Variants in SMCO1 observed in about 807,000 individuals in gnomAD.
SMCO1 encodes the protein single-pass membrane and coiled-coil domain-containing protein 1.
Under a neutral mutation model 7.5 loss-of-function variants are expected in SMCO1, and 9 were observed. That is an observed-to-expected ratio of 1.20 (90% CI 0.72 to 2.09). The LOEUF is 2.09. Ranked by LOEUF, SMCO1 falls within the 30% of genes most tolerant of loss-of-function variation. The probability of loss-of-function intolerance (pLI) is 0.00; values close to 1 mark genes in which losing one functional copy is unlikely to be tolerated. For synonymous variants in SMCO1, 90 were observed against 93.8 expected, an observed-to-expected ratio of 0.96 and a Z score of 0.23; for missense variants, 219 against 253.1, an observed-to-expected ratio of 0.87 and a Z score of 0.91.
At chr3:196,515,485 T>C (rs1296795604), upstream of SMCO1, 1 of 430,374 alleles carries the variant, frequency 2.3e-6, no homozygotes, top group Non-Finnish European at 4.2e-6. Flanking sequence ...TACATTAACA[T>C]ACAGCAACAA....
rs972864948 is a variant in SMCO1 at position 196,507,065 on chromosome 3, G to T, written c.*822C>A. Reference sequence around the variant, plus strand: ...ACCATTCAGAAATAGGCACGATAGTGTAGAGGACCAATCGCGGAAGGGTAG... The same window carrying T: ...ACCATTCAGAAATAGGCACGATAGTTTAGAGGACCAATCGCGGAAGGGTAG... On this transcript the variant is annotated 3_prime_UTR_variant, in exon 3 of 3. Transcript: ENST00000397537. 41 of 152,246 alleles carry T rather than the reference G, an allele frequency of 2.7e-4. No individual in the cohort carries two copies. The highest frequency in any genetic ancestry group is 9.2e-4 in the African/African-American group (38 of 41,448). The allele number at this position is 152,246 out of a possible 1,614,324, so 9.4% of individuals were successfully genotyped here.
chr3:196,516,021 A>ATATATATATAAT (rs1733379476), upstream of SMCO1, among the ~76,000 whole-genome samples: 1 of 120,766 alleles, frequency 8.3e-6, no homozygotes, highest in Non-Finnish European at 1.7e-5. Flanking sequence ...ATATATATAT[A>ATATATATATAAT]TATATATATA....
Position 196,515,246 on chromosome 3 carries a change from C to T in SMCO1, c.-37G>A, listed in dbSNP as rs746370295. On this transcript the variant is annotated 5_prime_UTR_variant, in exon 1 of 3. Transcript: ENST00000397537. Reference sequence around the variant, plus strand: ...AAAAGGAAAGAAAACAAAAACAAAGCAAAACAAAAAAAGCAATAAATGTTT... The same window carrying T: ...AAAAGGAAAGAAAACAAAAACAAAGTAAAACAAAAAAAGCAATAAATGTTT... 2 of 1,526,172 alleles carry T rather than the reference C, an allele frequency of 1.3e-6. No individual in the cohort carries two copies. Among genetic ancestry groups the T allele is most frequent in the Non-Finnish European group, 9.1e-7 (1 of 1,103,992 alleles). The allele number at this position is 1,526,172 out of a possible 1,614,324, so 94.5% of individuals were successfully genotyped here. A position where few individuals can be genotyped will look rare whatever the true frequency, so the allele number is the denominator to read the frequency against.
chr3:196,511,748 C>T (rs1420446248), intron 1 of SMCO1, among the ~76,000 whole-genome samples: 3 of 106,778 alleles, frequency 2.8e-5, no homozygotes, highest in African/African-American at 4.7e-5. Flanking sequence ...CTGCCTGGGC[C>T]GCCTAGATTG....
chr3:196,514,982 C>T (rs868328162), intron 1 of SMCO1, 178 bp downstream of exon 1: 12 of 694,606 alleles, frequency 1.7e-5, no homozygotes, highest in East Asian at 5.3e-5. Context: ...CCCTGTGATC[C>T]GCCCACCTCG....
At chr3:196,519,819 T>C (rs978969023), upstream of SMCO1, among the ~76,000 whole-genome samples, 3 of 152,166 alleles carry the variant, frequency 2.0e-5, no homozygotes, top group Admixed American at 6.5e-5. Context: ...TGGGTAGGCA[T>C]GACTAATCCC....
At chr3:196,517,884 C>T (rs1242311743), upstream of SMCO1, among the ~76,000 whole-genome samples, 1 of 152,162 alleles carries the variant, frequency 6.6e-6, no homozygotes, top group Non-Finnish European at 1.5e-5. Context: ...AAAGAGTCCT[C>T]AGTAATGCTT....
upstream of SMCO1, among the ~76,000 whole-genome samples, chr3:196,516,762 G>C (rs190324581): frequency 6.6e-6 from 1 of 152,232 alleles, no homozygotes; most frequent in African/African-American, 2.4e-5. Flanking sequence ...CTTCTAGCTA[G>C]CTTGGTAAGG....
chr3:196,507,845 T>C lies in SMCO1; in HGVS notation c.*42A>G. On this transcript the variant is annotated 3_prime_UTR_variant, in exon 3 of 3. Transcript: ENST00000397537. ...TGCATACTTTTTGCTGTTTCCAAGA[T>C]AAATTACTGTAGGTGGAATCACTGG... 1 of 1,302,314 alleles carries C rather than the reference T, an allele frequency of 7.7e-7. No homozygotes were observed. Among genetic ancestry groups the C allele is most frequent in the Non-Finnish European group, 1.1e-6 (1 of 934,006 alleles). 80.7% of individuals were successfully genotyped at this position (1,302,314 alleles called of 1,614,324 possible).
At chr3:196,513,627 C>CTAA (rs1733308570) in intron 1 of SMCO1, among the ~76,000 whole-genome samples, 1 of 93,778 alleles carries the variant, frequency 1.1e-5, no homozygotes, top group Non-Finnish European at 2.0e-5. Flanking sequence ...GACTCTGTCT[C>CTAA]AAAAAAAAAA....
chr3:196,513,129 G>A (rs1733293474), intron 1 of SMCO1, among the ~76,000 whole-genome samples: 1 of 151,612 alleles, frequency 6.6e-6, no homozygotes, highest in African/African-American at 2.4e-5. Context: ...AGGAGTTTGA[G>A]ACCAGCTTGG....
upstream of SMCO1, among the ~76,000 whole-genome samples, chr3:196,518,433 C>T (rs1245992103): frequency 1.3e-5 from 2 of 152,234 alleles, no homozygotes; most frequent in Admixed American, 6.5e-5. Flanking sequence ...TGACAAAGGA[C>T]CCTGGATGTT....
At position 196,507,937 on chromosome 3, in the gene SMCO1, C is replaced by T; in HGVS notation, c.595G>A (p.Glu199Lys). 1.2e-6 allele frequency: 2 copies of T among 1,614,054 alleles called. No individual in the cohort carries two copies. The highest frequency in any genetic ancestry group is 8.5e-7 in the Non-Finnish European group (1 of 1,179,968). The part of the protein sequence containing the change: ...IEKGKAVRTP[E>K]KQKSSLEELI... ...TCTTCGAGGGATGACTTTTGCTTTT[C>T]AGGGGTCCTAACTGCTTTCCCCTTC... Residue 199 changes from glutamate to lysine, a missense_variant, in exon 3 of 3, where the codon GAA (glutamate) becomes AAA (lysine). Glu to Lys is a moderately conservative substitution (Grantham distance 56). Transcript: ENST00000397537.
At chr3:196,516,370 T>G (rs1377489854), upstream of SMCO1, among the ~76,000 whole-genome samples, 1 of 151,896 alleles carries the variant, frequency 6.6e-6, no homozygotes, top group Non-Finnish European at 1.5e-5. Flanking sequence ...AGGTCTTTGA[T>G]TATCAGAGAA....
At position 196,512,509 on chromosome 3, in the gene SMCO1, C is replaced by CTTTT. The variant is rs36023059; in HGVS notation, c.50+2647_50+2650dup. Among the ~76,000 whole-genome samples the CTTTT allele has an allele frequency of 5.4e-3, 614 of 113,846 alleles. 1 individual carries two copies. The highest frequency in any genetic ancestry group is 6.1e-3 in the Non-Finnish European group (353 of 57,618). 74.7% of individuals were successfully genotyped at this position (113,846 alleles called of 152,430 possible). On this transcript the variant is annotated intron_variant, in intron 1 of 2. Transcript: ENST00000397537. Reference sequence around the variant, plus strand: ...TAAGCTTTAAACCTGTATTTCCTTTCTTTTTTTTTTTTTTTTTTTTTGAGA... The same window carrying CTTTT: ...TAAGCTTTAAACCTGTATTTCCTTTCTTTTTTTTTTTTTTTTTTTTTTTTTGAGA...
chr3:196,509,875 T>C (rs1253723316), intron 1 of SMCO1, among the ~76,000 whole-genome samples: 1 of 152,196 alleles, frequency 6.6e-6, no homozygotes, highest in African/African-American at 2.4e-5. Context: ...TGCCATTCCC[T>C]CTAGCCATCA....
chr3:196,519,310 C>T (rs757934234), upstream of SMCO1, among the ~76,000 whole-genome samples: 4 of 152,146 alleles, frequency 2.6e-5, no homozygotes, highest in African/African-American at 7.2e-5. Flanking sequence ...AGTCCTCGTG[C>T]GAGCACGTGG....
rs190593956 is a variant in SMCO1, at chr3:196,509,456, G to T, written c.200+64C>A. ...GAAACATACTAAGAAATTCAATTTT[G>T]CAATGACCAGTGGAAGCTCTCACAA... On this transcript the variant is annotated intron_variant, in intron 2 of 2. Transcript: ENST00000397537. 1.2e-3 allele frequency: 1,630 copies of T among 1,357,470 alleles called. 9 individuals are homozygous for T. Among genetic ancestry groups the T allele is most frequent in the South Asian group, 4.8e-3 (359 of 75,232 alleles). The allele number at this position is 1,357,470 out of a possible 1,614,324, so 84.1% of individuals were successfully genotyped here.
At position 196,507,928 on chromosome 3, in the gene SMCO1, T is replaced by G; in HGVS notation, c.604A>C (p.Lys202Gln). The G allele has an allele frequency of 6.2e-7, 1 of 1,613,978 alleles. No homozygotes were observed. The highest frequency in any genetic ancestry group is 8.5e-7 in the Non-Finnish European group (1 of 1,179,934). ...GKAVRTPEKQKSSLEELIPSV... is the reference protein window; with the variant it reads ...GKAVRTPEKQQSSLEELIPSV... Reference sequence around the variant, plus strand: ...GGTATCAACTCTTCGAGGGATGACTTTTGCTTTTCAGGGGTCCTAACTGCT... The same window carrying G: ...GGTATCAACTCTTCGAGGGATGACTGTTGCTTTTCAGGGGTCCTAACTGCT... Residue 202 changes from lysine to glutamine, a missense_variant, in exon 3 of 3, where the codon AAG (lysine) becomes CAG (glutamine). Coordinates refer to ENST00000397537, the MANE Select transcript of SMCO1 (RefSeq NM_001077657.3).
Sources: gnomAD v4.1 joint callset for allele counts (sites outside exome capture counted in the v4.1 genomes callset) on GRCh38, gnomAD v4.1.1 for gene constraint, MANE v1.5 for transcripts, NCBI Gene and HGNC (gene_info 2026-07-23, HGNC 2026-07-21) for gene names.